SPATS2: variants seen among roughly 807,000 people sequenced by gnomAD.
The protein encoded by SPATS2 is spermatogenesis associated serine rich 2, also known as spermatogenesis-associated serine-rich protein 2.
SPATS2 carries 38 observed loss-of-function variants against 63.7 expected under a neutral mutation model. That is an observed-to-expected ratio of 0.60 (90% CI 0.46 to 0.78). The LOEUF (loss-of-function observed/expected upper bound fraction) is 0.78, where lower values mean the gene tolerates loss of function less well. Ranked by LOEUF, SPATS2 falls within the 30% of genes least tolerant of loss-of-function variation. SPATS2 has a pLI of 0.00. For synonymous variants in SPATS2, 207 were observed against 232.9 expected, an observed-to-expected ratio of 0.89 and a Z score of 1.01; for missense variants, 588 against 666.2, an observed-to-expected ratio of 0.88 and a Z score of 1.29.
intron 3 of SPATS2, chr12:49,463,373 A>T (rs1171828563): frequency 1.3e-5 from 2 of 150,380 alleles, no homozygotes; most frequent in African/African-American, 4.9e-5. Context: ...AGATCATGCC[A>T]CTGCACTCCA....
At chr12:49,461,609 A>C (rs1199447149) in intron 3 of SPATS2, among the ~76,000 whole-genome samples, 1 of 152,234 alleles carries the variant, frequency 6.6e-6, no homozygotes, top group Non-Finnish European at 1.5e-5. Context: ...ACTATTGTAC[A>C]TAATTGGAAT....
intron 2 of SPATS2, among the ~76,000 whole-genome samples, chr12:49,437,823 AAG>A (rs889256093): frequency 6.6e-5 from 10 of 151,922 alleles, no homozygotes; most frequent in Admixed American, 5.2e-4. Context: ...ACCGTGGAAA[AAG>A]AGGGAGAGGG....
intron 9 of SPATS2, among the ~76,000 whole-genome samples, chr12:49,504,469 A>T (rs889641406): frequency 1.2e-4 from 18 of 152,196 alleles, no homozygotes; most frequent in Non-Finnish European, 2.1e-4. Flanking sequence ...TATGGAGTGG[A>T]ACATGAAGCT....
intron 2 of SPATS2, among the ~76,000 whole-genome samples, chr12:49,437,733 G>A (rs1945340992): frequency 1.3e-5 from 2 of 152,200 alleles, no homozygotes; most frequent in Non-Finnish European, 2.9e-5. Flanking sequence ...GCAGGCTGAG[G>A]CAGGAGAATC....
At chr12:49,489,430 A>G (rs748318651) in intron 4 of SPATS2, 35 bp from the exon 5 acceptor site, 1 of 1,567,780 alleles carries the variant, frequency 6.4e-7, no homozygotes, top group Admixed American at 1.7e-5. Flanking sequence ...TGACCTACTA[A>G]TGTTAGAATT....
intron 2 of SPATS2, among the ~76,000 whole-genome samples, chr12:49,411,795 C>G (rs985310576): frequency 6.6e-6 from 1 of 152,180 alleles, no homozygotes; most frequent in African/African-American, 2.4e-5. Flanking sequence ...ACCTTGACCT[C>G]AGGCCTCCTT....
At chr12:49,418,655 G>C (rs535021127) in intron 2 of SPATS2, among the ~76,000 whole-genome samples, 1 of 152,102 alleles carries the variant, frequency 6.6e-6, no homozygotes, top group African/African-American at 2.4e-5. Context: ...TGCCCAGGCT[G>C]GTCTTAAACT....
Position 49,496,966 on chromosome 12 carries a change from T to A in SPATS2, c.660T>A (p.Asn220Lys). 1 of 1,601,128 alleles carries A rather than the reference T, an allele frequency of 6.2e-7. No homozygotes were observed. Residue 220 changes from asparagine (N) to lysine (K), a missense_variant, in exon 8 of 14, where the codon AAT (asparagine) becomes AAA (lysine). Asn to Lys is a moderately conservative substitution (Grantham distance 94, BLOSUM62 0). Coordinates refer to ENST00000552918, the MANE Select transcript of SPATS2 (RefSeq NM_023071.4). ...CTACCACAGAAACTCAGTTTTCAAA[T>A]ATGGGGATGGAAGATGTTCCCCTCG... ...SRPTTETQFSNMGMEDVPLAT... is the reference protein window; with the variant it reads ...SRPTTETQFSKMGMEDVPLAT...
At chr12:49,487,576 G>A (rs1946316126) in intron 4 of SPATS2, among the ~76,000 whole-genome samples, 1 of 152,128 alleles carries the variant, frequency 6.6e-6, no homozygotes, top group African/African-American at 2.4e-5. Flanking sequence ...GCTTACATAA[G>A]ATCTCAGTTC....
rs750947931 is a variant in SPATS2, at chr12:49,522,753, C to T, written c.1011C>T (p.His337=). 4 of 1,613,236 alleles carry T rather than the reference C, an allele frequency of 2.5e-6. No individual in the cohort carries two copies. Among genetic ancestry groups the T allele is most frequent in the Admixed American group, 3.3e-5 (2 of 59,972 alleles). ...GCCTTTCTTTGTCCTTTCTCCAGCA[C>T]TTTGTTAGTGAACGTAAATATGATG... ...QLVELRADIK[H]FVSERKYDED... is the part of the protein sequence containing the mutation. Residue 337 remains histidine (H), a splice_region_variant and synonymous_variant, in exon 12 of 14, where the codon CAC becomes CAT. Transcript: ENST00000552918.
chr12:49,458,717 T>G (rs1454645452), intron 2 of SPATS2, among the ~76,000 whole-genome samples: 2 of 150,754 alleles, frequency 1.3e-5, no homozygotes, highest in African/African-American at 4.9e-5. Context: ...AGGTGGAGGT[T>G]GCAAATTCCA....
intron 2 of SPATS2, among the ~76,000 whole-genome samples, chr12:49,381,618 C>T (rs1159180251): frequency 6.6e-6 from 1 of 152,204 alleles, no homozygotes; most frequent in Non-Finnish European, 1.5e-5. Flanking sequence ...AGATTTAGAT[C>T]ATCTTTCTTC....
chr12:49,441,211 C>T (rs1036122705), intron 2 of SPATS2, among the ~76,000 whole-genome samples: 1 of 152,090 alleles, frequency 6.6e-6, no homozygotes, highest in Non-Finnish European at 1.5e-5. Context: ...TCACTCAAGC[C>T]CTCTTCAACT....
chr12:49,398,156 AAAAAG>A (rs1555179685), intron 2 of SPATS2, among the ~76,000 whole-genome samples: 125 of 142,800 alleles, frequency 8.8e-4, no homozygotes, highest in Non-Finnish European at 1.0e-3. Flanking sequence ...AAAAAAAAAA[AAAAAG>A]AAAAGAAAAG....
intron 3 of SPATS2, among the ~76,000 whole-genome samples, chr12:49,463,923 A>G (rs143641073): frequency 3.3e-5 from 5 of 152,344 alleles, no homozygotes; most frequent in Admixed American, 2.0e-4. Context: ...AGTTAAAACT[A>G]TTGATTACTC....
At chr12:49,459,788 C>G (rs1470149979) in intron 2 of SPATS2, among the ~76,000 whole-genome samples, 2 of 118,910 alleles carry the variant, frequency 1.7e-5, no homozygotes, top group Admixed American at 1.0e-4. Flanking sequence ...GCTGGGAAAC[C>G]TGAGGAGAGG....
At chr12:49,460,112 A>C (rs575476587) in intron 2 of SPATS2, among the ~76,000 whole-genome samples, 1 of 151,794 alleles carries the variant, frequency 6.6e-6, no homozygotes, top group South Asian at 2.1e-4. Flanking sequence ...CCGCCTCAAA[A>C]AAACAAACAA....
intron 3 of SPATS2, among the ~76,000 whole-genome samples, chr12:49,474,830 G>A (rs1054374738): frequency 1.3e-5 from 2 of 152,156 alleles, no homozygotes; most frequent in Admixed American, 6.5e-5. Context: ...GAAACTGGGC[G>A]ATTTACAAAA....
intron 2 of SPATS2, among the ~76,000 whole-genome samples, chr12:49,424,024 G>A (rs1226553860): frequency 2.6e-5 from 4 of 152,088 alleles, no homozygotes; most frequent in Non-Finnish European, 4.4e-5. Flanking sequence ...CCAACATGGC[G>A]AAACTCCATT....
Sources: gnomAD v4.1 joint callset for allele counts (sites outside exome capture counted in the v4.1 genomes callset) on GRCh38, gnomAD v4.1.1 for gene constraint, MANE v1.5 for transcripts, NCBI Gene and HGNC (gene_info 2026-07-23, HGNC 2026-07-21) for gene names.